The following MOK variants were observed in gnomAD, a reference collection of about 807,000 sequenced individuals.
The protein encoded by MOK is MOK protein kinase.
In MOK, 59 loss-of-function variants were observed where a neutral mutation model predicts 54.2. That is an observed-to-expected ratio of 1.09 (90% CI 0.88 to 1.35). The LOEUF (loss-of-function observed/expected upper bound fraction) is 1.35, where lower values mean the gene tolerates loss of function less well. Ranked by LOEUF, MOK falls within the 40% of genes most tolerant of loss-of-function variation. The pLI, the probability that MOK is intolerant of heterozygous loss-of-function variation, is 0.00. For missense variants in MOK, 517 were observed against 526.2 expected (o/e 0.98, Z 0.17); for synonymous variants, 210 against 202.7 (o/e 1.04, Z -0.31).
At chr14:102,297,775 A>C (rs1462715975) in intron 1 of MOK, among the ~76,000 whole-genome samples, 2 of 152,128 alleles carry the variant, frequency 1.3e-5, no homozygotes, top group Non-Finnish European at 2.9e-5. Flanking sequence ...GCCCCGCACT[A>C]GGTGCGGCCA....
In MOK at chr14:102,232,142, C is replaced by T; in HGVS notation, c.867-321G>A. 5.7e-6 allele frequency: 2 copies of T among 350,424 alleles called. No individual in the cohort carries two copies. The highest frequency in any genetic ancestry group is 1.0e-5 in the Non-Finnish European group (2 of 194,280). 21.7% of individuals were successfully genotyped at this position (350,424 alleles called of 1,614,324 possible). On this transcript the variant is annotated intron_variant, in intron 9 of 11. Transcript: ENST00000361847. This position sits in a 1 kb window ranked among gnomAD's most constrained non-coding sequence, Gnocchi z 5.1. ...TTAGGTGACCTCAGGGCAGACAGGT[C>T]TTAGATTCACATTCAGCAGGTACTT...
the MOK span, among the ~76,000 whole-genome samples, chr14:102,218,753 C>T: frequency 3.9e-5 from 6 of 152,194 alleles, no homozygotes; most frequent in Non-Finnish European, 8.8e-5. Flanking sequence ...CCCCGTTCCT[C>T]TCACGGTGTG....
chr14:102,232,553 G>A lies in MOK; in HGVS notation c.848C>T (p.Pro283Leu). The stretch of plus-strand genomic sequence containing the variant: ...TGCCTACCTCTGTTCTTGGAAGTAG[G>A]GGTGCTGCAGGGCCTGGTGGGCGGC... ...RIAAHQALQH[P>L]YFQEQRKTEK... Residue 283 changes from proline (P) to leucine (L), a missense_variant, in exon 9 of 12, where the codon CCC becomes CTC. Pro to Leu is a moderately conservative substitution (Grantham distance 98). Transcript: ENST00000361847. The surrounding 1 kb of genome is among the most constrained non-coding windows in gnomAD (Gnocchi z 5.1). 1 of 1,613,722 alleles carries A rather than the reference G, an allele frequency of 6.2e-7. No individual in the cohort carries two copies. The highest frequency in any genetic ancestry group is 8.5e-7 in the Non-Finnish European group (1 of 1,179,742).
chr14:102,277,361 ACCTATAAT>A (rs1400809042), intron 2 of MOK: 4 of 152,110 alleles, frequency 2.6e-5, no homozygotes, highest in Non-Finnish European at 5.9e-5. Context: ...AGTTGCTCAC[ACCTATAAT>A]CCCAGCACTT....
chr14:102,216,159 G>GCCT, the MOK span, among the ~76,000 whole-genome samples: 1 of 152,200 alleles, frequency 6.6e-6, no homozygotes, highest in Admixed American at 6.5e-5. Flanking sequence ...GGTCAGCAGA[G>GCCT]CCTCCAGTGC....
intron 1 of MOK, among the ~76,000 whole-genome samples, chr14:102,287,165 C>T (rs1220577453): frequency 6.6e-6 from 1 of 152,142 alleles, no homozygotes. Flanking sequence ...TGCTGAAATT[C>T]GGTGATGGAT....
chr14:102,250,362 T>G lies in MOK; in HGVS notation c.590+450A>C, dbSNP rs1266269389. Among the ~76,000 whole-genome samples the G allele has an allele frequency of 2.7e-5, 4 of 150,254 alleles. No individual in the cohort carries two copies. In the East Asian group the frequency reaches 7.9e-4, roughly 30 times the overall value. On this transcript the variant is annotated intron_variant, in intron 7 of 11. Coordinates refer to ENST00000361847, the MANE Select transcript of MOK (RefSeq NM_014226.3). ...CTCCTTGCCAAAGGCTGGGGGGGAG[T>G]GGGGGGTTTGGAGGATGGAGCAGGG...
chr14:102,224,154 G>T (rs527261381), downstream of MOK, among the ~76,000 whole-genome samples: 3,476 of 147,274 alleles, frequency 0.024, 52 homozygotes, highest in Non-Finnish European at 0.039. Flanking sequence ...CCATTCTCCC[G>T]CCTCAGCCTC....
In MOK at chr14:102,235,654, G is replaced by A. The variant is rs1157768871; in HGVS notation, c.591-1865C>T. The A allele has an allele frequency of 6.6e-6, 1 of 152,216 alleles. No individual in the cohort carries two copies. The highest frequency in any genetic ancestry group is 1.5e-5 in the Non-Finnish European group (1 of 68,036). The allele number at this position is 152,216 out of a possible 1,614,324, so 9.4% of individuals were successfully genotyped here. A position where few individuals can be genotyped will look rare whatever the true frequency, so the allele number is the denominator to read the frequency against. On this transcript the variant is annotated intron_variant, in intron 7 of 11. Coordinates refer to ENST00000361847, the MANE Select transcript of MOK (RefSeq NM_014226.3). This position sits in a 1 kb window ranked among gnomAD's most constrained non-coding sequence, Gnocchi z 4.4. ...CAAAGGAATCTCCCAAAAGGCCAATGAAAACCCTGCCCAATTCCTTTCTCG... is the reference window on the plus strand; with the variant it reads ...CAAAGGAATCTCCCAAAAGGCCAATAAAAACCCTGCCCAATTCCTTTCTCG...
In MOK at chr14:102,230,761, G is replaced by C. The variant is rs960141752; in HGVS notation, c.981+946C>G. On this transcript the variant is annotated intron_variant, in intron 10 of 11. Coordinates refer to ENST00000361847, the MANE Select transcript of MOK (RefSeq NM_014226.3). This position sits in a 1 kb window ranked among gnomAD's most constrained non-coding sequence, Gnocchi z 4.1. The stretch of plus-strand genomic sequence containing the variant: ...GAAGGCGAAGCCCCTGTGGGATGAA[G>C]GAAGGGTCCACGGGGGGCCTGGGCA... 1 of 152,696 alleles carries C rather than the reference G, an allele frequency of 6.5e-6. No individual in the cohort carries two copies. The highest frequency in any genetic ancestry group is 1.5e-5 in the Non-Finnish European group (1 of 68,328). 9.5% of individuals were successfully genotyped at this position (152,696 alleles called of 1,614,324 possible). A position where few individuals can be genotyped will look rare whatever the true frequency, so the allele number is the denominator to read the frequency against.
At chr14:102,283,118 G>A (rs114962405) in intron 2 of MOK, 1,929 of 154,206 alleles carry the variant, frequency 0.013, 30 homozygotes, top group Admixed American at 0.035. Context: ...GTTCACTTCC[G>A]AGCTCTCTAT....
intron 2 of MOK, among the ~76,000 whole-genome samples, chr14:102,266,631 G>A (rs1002000015): frequency 1.3e-5 from 2 of 152,078 alleles, no homozygotes; most frequent in Non-Finnish European, 2.9e-5. Flanking sequence ...TGCCCAGGCT[G>A]GAGTGCAATG....
chr14:102,299,377 G>A (rs2071886042), intron 1 of MOK, among the ~76,000 whole-genome samples: 1 of 152,014 alleles, frequency 6.6e-6, no homozygotes, highest in South Asian at 2.1e-4. Flanking sequence ...AACCAGGTGT[G>A]GTGGTTTGCA....
chr14:102,300,671 T>C (rs776082115), intron 1 of MOK, among the ~76,000 whole-genome samples: 51 of 152,258 alleles, frequency 3.3e-4, no homozygotes, highest in Non-Finnish European at 6.3e-4. Flanking sequence ...CTGCCTTCCA[T>C]CTGCTGAAAT....
At chr14:102,221,008 C>T (rs1246214203), downstream of MOK, among the ~76,000 whole-genome samples, 1 of 152,218 alleles carries the variant, frequency 6.6e-6, no homozygotes, top group African/African-American at 2.4e-5. The surrounding 1 kb of genome is among the most constrained non-coding windows in gnomAD (Gnocchi z 4.8). Context: ...CTCAAGTAAT[C>T]TCCCCACCTC....
chr14:102,215,330 G>T, the MOK span, among the ~76,000 whole-genome samples: 2 of 152,186 alleles, frequency 1.3e-5, no homozygotes, highest in African/African-American at 2.4e-5. Flanking sequence ...TTCTGAAGTC[G>T]TCCTGGGCCA....
At chr14:102,255,080 G>C (rs1265400811) in intron 4 of MOK, among the ~76,000 whole-genome samples, 1 of 152,204 alleles carries the variant, frequency 6.6e-6, no homozygotes, top group African/African-American at 2.4e-5. Context: ...AGCACTTTGG[G>C]AGGCTGAGGC....
At chr14:102,287,463 G>A (rs1341421776) in intron 1 of MOK, among the ~76,000 whole-genome samples, 1 of 152,074 alleles carries the variant, frequency 6.6e-6, no homozygotes, top group Non-Finnish European at 1.5e-5. Context: ...AAAATTAGCT[G>A]AGCATGGCAG....
intron 2 of MOK, among the ~76,000 whole-genome samples, chr14:102,272,402 T>C (rs1156861235): frequency 2.6e-5 from 4 of 151,930 alleles, no homozygotes; most frequent in Non-Finnish European, 4.4e-5. Flanking sequence ...GCAGAATTGC[T>C]TGAGGCGGAG....
Sources: gnomAD v4.1 joint callset for allele counts (sites outside exome capture counted in the v4.1 genomes callset) on GRCh38, gnomAD v4.1.1 for gene constraint, Gnocchi (gnomAD v3.1) non-coding constraint, MANE v1.5 for transcripts, NCBI Gene and HGNC (gene_info 2026-07-23, HGNC 2026-07-21) for gene names.